MSRA: variants seen among roughly 807,000 people sequenced by gnomAD.
The protein encoded by MSRA is mitochondrial peptide methionine sulfoxide reductase.
Under a neutral mutation model 31.3 loss-of-function variants are expected in MSRA, and 54 were observed. That is an observed-to-expected ratio of 1.73 (90% CI 1.39 to 2.17). The LOEUF is 2.17. Ranked by LOEUF, MSRA falls within the 30% of genes most tolerant of loss-of-function variation. The probability of loss-of-function intolerance (pLI) is 0.00; values close to 1 mark genes in which losing one functional copy is unlikely to be tolerated. For missense variants in MSRA, 507 were observed against 300.9 expected, an observed-to-expected ratio of 1.69 and a Z score of -5.07; for synonymous variants, 169 against 116.5, an observed-to-expected ratio of 1.45 and a Z score of -2.90.
At chr8:10,135,843 T>C (rs1163092873) in intron 1 of MSRA, among the ~76,000 whole-genome samples, 1 of 152,206 alleles carries the variant, frequency 6.6e-6, no homozygotes, top group Non-Finnish European at 1.5e-5. Flanking sequence ...TTCACAGGCC[T>C]ACAGACACGT....
chr8:10,080,315 A>T (rs1798229239), intron 1 of MSRA, among the ~76,000 whole-genome samples: 1 of 150,642 alleles, frequency 6.6e-6, no homozygotes, highest in Admixed American at 6.6e-5. Flanking sequence ...TTTTTTTTAA[A>T]TCTTTTTTTT....
intron 5 of MSRA, among the ~76,000 whole-genome samples, chr8:10,326,800 A>G (rs1802388766): frequency 6.6e-6 from 1 of 152,202 alleles, no homozygotes; most frequent in Admixed American, 6.5e-5. Flanking sequence ...AATATGGACA[A>G]TTTATCTCCC....
chr8:10,402,584 C>G (rs937267309), intron 5 of MSRA, among the ~76,000 whole-genome samples: 4 of 152,188 alleles, frequency 2.6e-5, no homozygotes, highest in Non-Finnish European at 5.9e-5. Context: ...CTATAGCACG[C>G]ATTTCCAACA....
At chr8:10,206,025 T>C (rs553782105) in intron 1 of MSRA, among the ~76,000 whole-genome samples, 3 of 152,392 alleles carry the variant, frequency 2.0e-5, no homozygotes, top group East Asian at 3.9e-4. Flanking sequence ...ATAGATATTA[T>C]GTGTATCACC....
chr8:10,337,407 C>T (rs144415113), intron 5 of MSRA: 2 of 297,750 alleles, frequency 6.7e-6, no homozygotes, highest in Non-Finnish European at 1.3e-5. Flanking sequence ...TCTGGATCTC[C>T]TGACCTCGTG....
At chr8:10,134,315 C>T (rs937911644) in intron 1 of MSRA, among the ~76,000 whole-genome samples, 4 of 152,230 alleles carry the variant, frequency 2.6e-5, no homozygotes, top group Non-Finnish European at 5.9e-5. Flanking sequence ...CCTCCAGCTT[C>T]TGGGTGTTTA....
rs188558940 is a variant in MSRA, at chr8:10,233,130, G to T, written c.212-11974G>T. On this transcript the variant is annotated intron_variant, in intron 2 of 5. Coordinates refer to ENST00000317173, the MANE Select transcript of MSRA (RefSeq NM_012331.5). ...GTAAGGAACAATTCAGATATATCCC[G>T]GAAGAGGTACCTTTTATGCTTTAGT... Among the ~76,000 whole-genome samples the T allele has an allele frequency of 2.0e-5, 3 of 152,278 alleles. No individual in the cohort carries two copies. In the East Asian group the frequency reaches 5.8e-4, roughly 29 times the overall value.
chr8:10,361,628 G>A (rs926533563), intron 5 of MSRA, among the ~76,000 whole-genome samples: 1 of 152,120 alleles, frequency 6.6e-6, no homozygotes, highest in Non-Finnish European at 1.5e-5. Context: ...GACATTGGAG[G>A]CCTCTTAAGA....
intron 5 of MSRA, among the ~76,000 whole-genome samples, chr8:10,425,843 C>T (rs886724008): frequency 1.3e-5 from 2 of 152,226 alleles, no homozygotes; most frequent in African/African-American, 4.8e-5. Flanking sequence ...TTTTTATTTG[C>T]TATTTGGATA....
At chr8:10,129,949 A>G (rs1007579065) in intron 1 of MSRA, among the ~76,000 whole-genome samples, 2 of 152,200 alleles carry the variant, frequency 1.3e-5, no homozygotes, top group Non-Finnish European at 2.9e-5. Flanking sequence ...AAATATATAG[A>G]AGCAACTTGG....
intron 5 of MSRA, among the ~76,000 whole-genome samples, chr8:10,338,861 G>T (rs935324952): frequency 2.0e-5 from 3 of 152,152 alleles, no homozygotes; most frequent in African/African-American, 7.2e-5. Flanking sequence ...CTCTTTGGGG[G>T]TGTTTTTGAG....
intron 5 of MSRA, among the ~76,000 whole-genome samples, chr8:10,322,418 C>G (rs904705860): frequency 1.3e-5 from 2 of 152,160 alleles, no homozygotes; most frequent in Non-Finnish European, 2.9e-5. Context: ...AAGACCAGAA[C>G]TTGGAACTTC....
intron 3 of MSRA, among the ~76,000 whole-genome samples, chr8:10,265,222 A>G (rs1350846912): frequency 6.6e-6 from 1 of 152,148 alleles, no homozygotes; most frequent in Non-Finnish European, 1.5e-5. Context: ...GGGCTGGGTC[A>G]TATACCACGT....
At chr8:10,251,618 C>G (rs944073878) in intron 3 of MSRA, among the ~76,000 whole-genome samples, 2 of 152,166 alleles carry the variant, frequency 1.3e-5, no homozygotes, top group African/African-American at 4.8e-5. Context: ...AAGCAGGCTT[C>G]AAGAGCAGAG....
chr8:10,211,460 G>A (rs1011711838), intron 2 of MSRA, among the ~76,000 whole-genome samples: 1 of 152,126 alleles, frequency 6.6e-6, no homozygotes, highest in Non-Finnish European at 1.5e-5. Context: ...CTCCTTGGGG[G>A]CTTCTCCTAC....
chr8:10,203,995 A>C (rs1265895809), intron 1 of MSRA, among the ~76,000 whole-genome samples: 2 of 151,842 alleles, frequency 1.3e-5, no homozygotes, highest in Non-Finnish European at 2.9e-5. Context: ...AGAAGTTTTC[A>C]ACAAAATTTA....
intron 1 of MSRA, among the ~76,000 whole-genome samples, chr8:10,201,429 T>G (rs535539583): frequency 1.3e-5 from 2 of 152,324 alleles, no homozygotes; most frequent in East Asian, 3.9e-4. Flanking sequence ...TGGCAGCTGC[T>G]GTTCCTGGAA....
intron 3 of MSRA, among the ~76,000 whole-genome samples, chr8:10,283,832 T>C (rs1451500217): frequency 0.039 from 2,560 of 65,008 alleles, 77 homozygotes; most frequent in African/African-American, 0.097. Flanking sequence ...TATATATATA[T>C]ATATACACAC....
At chr8:10,119,518 T>C (rs905941382) in intron 1 of MSRA, among the ~76,000 whole-genome samples, 34 of 152,204 alleles carry the variant, frequency 2.2e-4, no homozygotes, top group African/African-American at 4.8e-5. Flanking sequence ...GGGCGCAAGG[T>C]ATTTCTGTGT....
Sources: allele counts gnomAD v4.1 joint callset (sites outside exome capture counted in the v4.1 genomes callset), GRCh38; gene constraint gnomAD v4.1.1; transcripts MANE v1.5; gene names NCBI Gene and HGNC (gene_info 2026-07-23, HGNC 2026-07-21).